ATP10B: variants seen among roughly 807,000 people sequenced by gnomAD.
ATP10B encodes the protein phospholipid-transporting ATPase VB.
A neutral mutation model predicts 141.2 loss-of-function variants in ATP10B; 122 were observed. The ratio of observed to expected loss-of-function variants is 0.86; its 90% CI spans 0.75 to 1.00. The LOEUF is 1.00. ATP10B is among the 50% of genes least tolerant of loss of function. The pLI, the probability that ATP10B is intolerant of heterozygous loss-of-function variation, is 0.00. For synonymous variants in ATP10B, 685 were observed against 692.0 expected, an observed-to-expected ratio of 0.99 and a Z score of 0.16; for missense variants, 1,876 against 1,825.3, an observed-to-expected ratio of 1.03 and a Z score of -0.51.
intron 1 of ATP10B, among the ~76,000 whole-genome samples, chr5:160,846,443 C>G (rs1776123309): frequency 6.6e-6 from 1 of 152,132 alleles, no homozygotes; most frequent in Non-Finnish European, 1.5e-5. Context: ...ACAATTAAAA[C>G]TGGAAAAGAC....
In ATP10B at chr5:160,631,749, T is replaced by C. The variant is rs534155928; in HGVS notation, c.1620+380A>G. ...GCCTCCACCTCAGTGACGGGATACA[T>C]AGAGAAGGTGGGTGGGGGGCTGTGA... On this transcript the variant is annotated intron_variant, in intron 13 of 25. Transcript: ENST00000327245. Among the ~76,000 whole-genome samples the C allele has an allele frequency of 2.6e-5, 4 of 152,248 alleles. No homozygotes were observed. The South Asian group carries it at 8.3e-4, about 32-fold the overall frequency.
chr5:160,588,601 A>T (rs2127609288), intron 24 of ATP10B, among the ~76,000 whole-genome samples: 1 of 152,326 alleles, frequency 6.6e-6, no homozygotes, highest in South Asian at 2.1e-4. Context: ...GCTCACGTTA[A>T]ACTGCCAGGG....
intron 15 of ATP10B, among the ~76,000 whole-genome samples, chr5:160,619,587 C>A (rs1441157374): frequency 6.6e-6 from 1 of 152,164 alleles, no homozygotes; most frequent in Non-Finnish European, 1.5e-5. Context: ...GCAGGAGGCA[C>A]AGGGCTGCCT....
rs556587106 is a variant in ATP10B, at chr5:160,580,902, C to G, written c.3750+8690G>C. Among the ~76,000 whole-genome samples, 39 of 152,194 alleles carry G rather than the reference C, an allele frequency of 2.6e-4. No homozygotes were observed. The East Asian group carries it at 6.9e-3, about 27-fold the overall frequency. On this transcript the variant is annotated intron_variant, in intron 24 of 25. Coordinates refer to ENST00000327245, the MANE Select transcript of ATP10B (RefSeq NM_025153.3). ...TTAGTCTTGGGAGAGTGTATGTGTCCAGGAATTTATCCATTTCTTCTTGAT... is the reference window on the plus strand; with the variant it reads ...TTAGTCTTGGGAGAGTGTATGTGTCGAGGAATTTATCCATTTCTTCTTGAT...
chr5:160,770,345 T>A (rs2127855027), intron 2 of ATP10B, among the ~76,000 whole-genome samples: 1 of 152,306 alleles, frequency 6.6e-6, no homozygotes, highest in East Asian at 1.9e-4. Flanking sequence ...TTCCTCCATT[T>A]ATTTTGTTAT....
At chr5:160,653,774 ATATATACATATATATTATATAGACG>A (rs1205218205) in intron 7 of ATP10B, among the ~76,000 whole-genome samples, 56 of 125,718 alleles carry the variant, frequency 4.5e-4, no homozygotes, top group East Asian at 4.3e-4. Flanking sequence ...TAATATATAC[ATATATACATATATATTATATAGACG>A]TATATACATA....
chr5:160,739,002 G>A (rs1458935945), intron 2 of ATP10B, among the ~76,000 whole-genome samples: 1 of 152,106 alleles, frequency 6.6e-6, no homozygotes, highest in African/African-American at 2.4e-5. Context: ...AATCTAGTAG[G>A]ATGTATTCCA....
intron 7 of ATP10B, among the ~76,000 whole-genome samples, chr5:160,654,774 C>T (rs192029991): frequency 1.3e-5 from 2 of 152,206 alleles, no homozygotes; most frequent in Non-Finnish European, 2.9e-5. Flanking sequence ...TTATTGAATG[C>T]TTGTTGTGTA....
At chr5:160,759,571 G>A (rs1448254449) in intron 2 of ATP10B, among the ~76,000 whole-genome samples, 1 of 152,098 alleles carries the variant, frequency 6.6e-6, no homozygotes, top group Non-Finnish European at 1.5e-5. Context: ...AATAGCTGAG[G>A]CCTTTCTAAA....
intron 1 of ATP10B, among the ~76,000 whole-genome samples, chr5:160,795,926 T>G (rs1771919582): frequency 6.6e-6 from 1 of 152,072 alleles, no homozygotes; most frequent in Non-Finnish European, 1.5e-5. Flanking sequence ...AGCCAACAAG[T>G]TTGTGGTAAT....
At chr5:160,634,072 A>C (rs1326557004) in intron 12 of ATP10B, 2 of 463,188 alleles carry the variant, frequency 4.3e-6, no homozygotes, top group South Asian at 2.0e-5. Flanking sequence ...CAGATAAAAA[A>C]CTCGTCTCAT....
At chr5:160,847,986 A>G (rs926098199) in intron 1 of ATP10B, among the ~76,000 whole-genome samples, 2 of 152,184 alleles carry the variant, frequency 1.3e-5, no homozygotes, top group African/African-American at 4.8e-5. Flanking sequence ...CAACACAGCC[A>G]TCTATTTTCA....
chr5:160,811,843 G>A (rs1278146142), intron 1 of ATP10B, among the ~76,000 whole-genome samples: 2 of 152,170 alleles, frequency 1.3e-5, no homozygotes, highest in African/African-American at 4.8e-5. Flanking sequence ...AGGGCCTTGA[G>A]CGCACATAGG....
the ATP10B span, among the ~76,000 whole-genome samples, chr5:160,880,132 T>C: frequency 2.0e-5 from 3 of 147,864 alleles, no homozygotes; most frequent in African/African-American, 7.3e-5. Flanking sequence ...AAAGAAATTA[T>C]ATAATAGATT....
intron 2 of ATP10B, among the ~76,000 whole-genome samples, chr5:160,770,459 G>A (rs781598114): frequency 4.0e-4 from 61 of 151,870 alleles, no homozygotes; most frequent in Non-Finnish European, 7.5e-4. Context: ...TTTTCCTTAG[G>A]CTTAATTTAA....
chr5:160,677,530 G>A (rs1763105611), intron 6 of ATP10B, among the ~76,000 whole-genome samples: 1 of 152,144 alleles, frequency 6.6e-6, no homozygotes, highest in South Asian at 2.1e-4. Flanking sequence ...GCTTGGAGTC[G>A]AGTTCTATGG....
chr5:160,666,939 C>G (rs914247556), intron 7 of ATP10B, among the ~76,000 whole-genome samples: 1 of 151,962 alleles, frequency 6.6e-6, no homozygotes, highest in Non-Finnish European at 1.5e-5. Context: ...GGCTCTGGGA[C>G]CGGGCACAGT....
intron 24 of ATP10B, among the ~76,000 whole-genome samples, chr5:160,588,084 G>C (rs1409577716): frequency 6.6e-6 from 1 of 152,108 alleles, no homozygotes; most frequent in Non-Finnish European, 1.5e-5. Flanking sequence ...TTCTCACCTT[G>C]TGATCTGCCC....
intron 1 of ATP10B, among the ~76,000 whole-genome samples, chr5:160,840,916 A>T (rs958855921): frequency 1.3e-5 from 2 of 152,154 alleles, no homozygotes; most frequent in Non-Finnish European, 2.9e-5. Context: ...TCTCACTTAG[A>T]TGGGCAAAAA....
Sources: allele counts gnomAD v4.1 joint callset (sites outside exome capture counted in the v4.1 genomes callset), GRCh38; gene constraint gnomAD v4.1.1; transcripts MANE v1.5; gene names NCBI Gene and HGNC (gene_info 2026-07-23, HGNC 2026-07-21).